KCTD14: variants seen among roughly 807,000 people sequenced by gnomAD.
KCTD14 encodes BTB/POZ domain-containing protein KCTD14.
A neutral mutation model predicts 5.9 loss-of-function variants in KCTD14; 7 were observed. That is an observed-to-expected ratio of 1.19 (90% CI 0.68 to 2.23). The LOEUF (loss-of-function observed/expected upper bound fraction) is 2.23. KCTD14 is among the 30% of genes most tolerant of loss of function. KCTD14 has a pLI of 0.00. For missense variants in KCTD14, 342 were observed against 332.2 expected, an observed-to-expected ratio of 1.03 and a Z score of -0.23; for synonymous variants, 140 against 133.1, an observed-to-expected ratio of 1.05 and a Z score of -0.36.
rs181508110 is a variant in KCTD14, at chr11:78,043,663, G to C, written c.-96+2398C>G. Among the ~76,000 whole-genome samples, 360 of 152,240 alleles carry C rather than the reference G, an allele frequency of 2.4e-3. 1 individual carries two copies. Among genetic ancestry groups the C allele is most frequent in the African/African-American group, 8.3e-3 (344 of 41,540 alleles). ...CCTGGAGCAGGTGACATTTTGACTC[G>C]GGTCTTCTAAGACCAAAAGGTGTTG... On this transcript the variant is annotated intron_variant, in intron 1 of 2. Coordinates refer to the KCTD14 transcript ENST00000533144.
chr11:78,024,880 G>A (rs1857407953), upstream of KCTD14, among the ~76,000 whole-genome samples: 2 of 151,656 alleles, frequency 1.3e-5, no homozygotes, highest in Admixed American at 6.6e-5. Context: ...AGGAGACGGA[G>A]GTTGCAGTGA....
intron 1 of KCTD14, among the ~76,000 whole-genome samples, chr11:78,018,262 C>A (rs755622888): frequency 1.3e-5 from 2 of 152,062 alleles, no homozygotes; most frequent in African/African-American, 2.4e-5. Context: ...GGATATTGGC[C>A]GGGCATAGTG....
chr11:78,031,096 C>T (rs903131421), intron 2 of KCTD14, among the ~76,000 whole-genome samples: 1 of 144,654 alleles, frequency 6.9e-6, no homozygotes. Context: ...CACCCAGACT[C>T]TAGGCTGGAG....
At chr11:78,025,537 AACCATC>A (rs1424258637), upstream of KCTD14, among the ~76,000 whole-genome samples, 1 of 152,146 alleles carries the variant, frequency 6.6e-6, no homozygotes, top group African/African-American at 2.4e-5. Context: ...AGTCAGTATT[AACCATC>A]ACATTGACCC....
chr11:78,031,308 A>C (rs538302352), intron 2 of KCTD14, among the ~76,000 whole-genome samples: 129 of 152,150 alleles, frequency 8.5e-4, no homozygotes, highest in Non-Finnish European at 1.5e-3. Flanking sequence ...TTGGCCTCCC[A>C]AAGTACTGAG....
intron 2 of KCTD14, among the ~76,000 whole-genome samples, chr11:78,030,654 C>T (rs781562018): frequency 6.6e-6 from 1 of 152,218 alleles, no homozygotes. Flanking sequence ...GGAGACAATG[C>T]GGCCAGCCCC....
chr11:78,045,268 A>G (rs1212684500), intron 1 of KCTD14, among the ~76,000 whole-genome samples: 1 of 152,076 alleles, frequency 6.6e-6, no homozygotes, highest in African/African-American at 2.4e-5. Context: ...ACGCCCAGCT[A>G]ATTTTTTTGT....
At position 78,038,903 on chromosome 11, in the gene KCTD14, CG is replaced by C. The variant is rs576404500; in HGVS notation, c.-95-146del. 135 of 933,846 alleles carry C rather than the reference CG, an allele frequency of 1.4e-4. No homozygotes were observed. The South Asian group carries it at 2.2e-3, about 15-fold the overall frequency. The allele number at this position is 933,846 out of a possible 1,614,324, so 57.8% of individuals were successfully genotyped here. A position where few individuals can be genotyped will look rare whatever the true frequency, so the allele number is the denominator to read the frequency against. ...CTGCTGCTGTGGTCACGGTCAGGCC[CG>C]GATGTACCAGGGGCTGCCAGCAAAA... On this transcript the variant is annotated intron_variant, in intron 1 of 2. Coordinates refer to the KCTD14 transcript ENST00000533144.
rs1857177090 is a variant in KCTD14 at position 78,016,824 on chromosome 11, A to C, written c.537T>G (p.Asp179Glu). 3 of 1,614,064 alleles carry C rather than the reference A, an allele frequency of 1.9e-6. No homozygotes were observed. The highest frequency in any genetic ancestry group is 2.5e-6 in the Non-Finnish European group (3 of 1,180,006). ...AACACAGGACCTCTGAATAATATGC[A>C]TCCTGCTCCTCAGTTTCCACCAGGC... is the stretch of plus-strand genomic sequence containing the variant. Reference protein sequence around the residue: ...LVCLVETEEQDAYYSEVLCFL... With the variant: ...LVCLVETEEQEAYYSEVLCFL... Residue 179 changes from aspartate to glutamate, a missense_variant, in exon 2 of 2, where the codon GAT becomes GAG. Coordinates refer to ENST00000353172, the MANE Select transcript of KCTD14 (RefSeq NM_023930.4).
At chr11:78,022,016 G>A (rs143852931) in intron 1 of KCTD14, among the ~76,000 whole-genome samples, 184 of 152,272 alleles carry the variant, frequency 1.2e-3, no homozygotes, top group African/African-American at 4.0e-3. Flanking sequence ...GGAGTCCTTC[G>A]GGGTGGGTTG....
chr11:78,018,566 G>C (rs560894723), intron 1 of KCTD14, among the ~76,000 whole-genome samples: 1 of 152,146 alleles, frequency 6.6e-6, no homozygotes, highest in African/African-American at 2.4e-5. Flanking sequence ...AATTAGCCAG[G>C]CATGGTGGCA....
At chr11:78,041,644 C>T (rs1185217656) in intron 1 of KCTD14, among the ~76,000 whole-genome samples, 2 of 152,236 alleles carry the variant, frequency 1.3e-5, no homozygotes, top group Non-Finnish European at 2.9e-5. Flanking sequence ...TCTATTAAAT[C>T]TTGCAACTGC....
At chr11:78,021,088 A>G (rs1458267208) in intron 1 of KCTD14, among the ~76,000 whole-genome samples, 1 of 152,076 alleles carries the variant, frequency 6.6e-6, no homozygotes, top group Non-Finnish European at 1.5e-5. Flanking sequence ...GGATCACTTG[A>G]GGCCAGGAGT....
intron 2 of KCTD14, among the ~76,000 whole-genome samples, chr11:78,031,387 TA>T (rs759871803): frequency 1.3e-5 from 2 of 152,014 alleles, no homozygotes; most frequent in Non-Finnish European, 2.9e-5. Context: ...AAATTTATTT[TA>T]TTTTTTTTGA....
chr11:78,017,529 C>T (rs1006993859), intron 1 of KCTD14, among the ~76,000 whole-genome samples: 1 of 151,044 alleles, frequency 6.6e-6, no homozygotes, highest in Non-Finnish European at 1.5e-5. Flanking sequence ...CTCACTGCAA[C>T]TTCCACCTCG....
intron 2 of KCTD14, among the ~76,000 whole-genome samples, chr11:78,034,366 G>A (rs1259843445): frequency 1.3e-5 from 2 of 152,098 alleles, no homozygotes; most frequent in Non-Finnish European, 1.5e-5. Flanking sequence ...ATTCTCACTG[G>A]CTTTCCAAAA....
chr11:78,039,793 G>A (rs556447149), intron 1 of KCTD14, among the ~76,000 whole-genome samples: 6 of 151,374 alleles, frequency 4.0e-5, no homozygotes, highest in South Asian at 2.1e-4. Flanking sequence ...GTATCGTGAC[G>A]ATTTCCCCCA....
intron 2 of KCTD14, among the ~76,000 whole-genome samples, chr11:78,035,035 A>T (rs754436253): frequency 1.3e-4 from 20 of 152,158 alleles, no homozygotes; most frequent in Non-Finnish European, 5.9e-5. Flanking sequence ...TTGAGCACTG[A>T]TGAAGCTCTG....
At chr11:78,030,432 G>A (rs375149423) in intron 2 of KCTD14, among the ~76,000 whole-genome samples, 126 of 152,190 alleles carry the variant, frequency 8.3e-4, no homozygotes, top group African/African-American at 2.8e-3. Flanking sequence ...CCCCTCTCTG[G>A]GCCTCAGTTC....
Sources: gnomAD v4.1 joint callset for allele counts (sites outside exome capture counted in the v4.1 genomes callset) on GRCh38, gnomAD v4.1.1 for gene constraint, MANE v1.5 for transcripts, NCBI Gene and HGNC (gene_info 2026-07-23, HGNC 2026-07-21) for gene names.